Variants in MAGI2 observed in about 807,000 individuals in gnomAD.
MAGI2 encodes the protein membrane associated guanylate kinase, WW and PDZ domain containing 2.
In MAGI2, 35 loss-of-function variants were observed where a neutral mutation model predicts 133.3. The observed-to-expected ratio is 0.26, with a 90% CI of 0.20 to 0.35. The LOEUF is 0.35. Among genes scored for constraint, MAGI2 ranks in the 10% least tolerant of loss-of-function variants. The probability of loss-of-function intolerance (pLI) is 1.00; values close to 1 mark genes in which losing one functional copy is unlikely to be tolerated. For missense variants in MAGI2, 1,636 were observed against 1,863.4 expected, an observed-to-expected ratio of 0.88 and a Z score of 2.25; for synonymous variants, 729 against 710.6, an observed-to-expected ratio of 1.03 and a Z score of -0.41.
intron 1 of MAGI2, among the ~76,000 whole-genome samples, chr7:79,350,129 T>A (rs1841594044): frequency 6.6e-6 from 1 of 152,096 alleles, no homozygotes; most frequent in Non-Finnish European, 1.5e-5. Context: ...AGATGACACT[T>A]AAAATCAGAC....
rs534614928 is a variant in MAGI2 at position 78,286,248 on chromosome 7, G to T, written c.1409-29667C>A. Among the ~76,000 whole-genome samples, 4 of 151,568 alleles carry T rather than the reference G, an allele frequency of 2.6e-5. No individual in the cohort carries two copies. The East Asian group carries it at 5.8e-4, about 22-fold the overall frequency. On this transcript the variant is annotated intron_variant, in intron 9 of 21. Coordinates refer to ENST00000354212, the MANE Select transcript of MAGI2 (RefSeq NM_012301.4). ...TTCCTCCTCCCTACCCCCATATTTT[G>T]TCTTATTCTTAAGAGGATTTAAGAG...
intron 1 of MAGI2, among the ~76,000 whole-genome samples, chr7:79,008,029 G>A (rs10808175): frequency 0.75 from 113,339 of 151,922 alleles, 42,489 homozygotes; most frequent in East Asian, 0.82. Context: ...ATTTAAAGAT[G>A]ACTTGTTAAC....
At chr7:79,028,445 T>C (rs1361860761) in intron 1 of MAGI2, among the ~76,000 whole-genome samples, 1 of 151,166 alleles carries the variant, frequency 6.6e-6, no homozygotes, top group Non-Finnish European at 1.5e-5. Flanking sequence ...GAGGCAGTTG[T>C]ATTTATAGTG....
chr7:78,557,097 A>AAAAAAAAAAAAAAAAAAAAG (rs1554473311), intron 3 of MAGI2, among the ~76,000 whole-genome samples: 7 of 138,958 alleles, frequency 5.0e-5, no homozygotes, highest in South Asian at 2.3e-4. Context: ...AAAAAAAAAA[A>AAAAAAAAAAAAAAAAAAAAG]AAAGAAAAAG....
At chr7:78,537,796 G>A (rs571574616) in intron 3 of MAGI2, among the ~76,000 whole-genome samples, 3 of 122,058 alleles carry the variant, frequency 2.5e-5, no homozygotes, top group East Asian at 4.9e-4. Flanking sequence ...TCTATGAATT[G>A]TCTGTCTACT....
At chr7:78,492,709 G>T (rs1793735399) in intron 5 of MAGI2, among the ~76,000 whole-genome samples, 1 of 152,120 alleles carries the variant, frequency 6.6e-6, no homozygotes, top group African/African-American at 2.4e-5. Flanking sequence ...GCAGATTCAG[G>T]TGCATGACAT....
intron 2 of MAGI2, among the ~76,000 whole-genome samples, chr7:78,846,416 A>C (rs548950125): frequency 6.6e-6 from 1 of 152,076 alleles, no homozygotes; most frequent in Non-Finnish European, 1.5e-5. Flanking sequence ...AGAAATATAG[A>C]ATGCAAACAG....
intron 16 of MAGI2, among the ~76,000 whole-genome samples, chr7:78,156,924 A>G (rs1260936684): frequency 1.3e-5 from 2 of 152,220 alleles, no homozygotes; most frequent in East Asian, 1.9e-4. Context: ...GAGTAAAACA[A>G]TGCAAACTCT....
intron 1 of MAGI2, among the ~76,000 whole-genome samples, chr7:79,400,801 C>T (rs1845414700): frequency 6.6e-6 from 1 of 152,026 alleles, no homozygotes; most frequent in Non-Finnish European, 1.5e-5. Context: ...GTCCTACATA[C>T]TGTAGTTATA....
chr7:79,397,047 G>A (rs1045115507), intron 1 of MAGI2, among the ~76,000 whole-genome samples: 6 of 151,238 alleles, frequency 4.0e-5, no homozygotes, highest in Non-Finnish European at 7.4e-5. Flanking sequence ...TTCCAATAAT[G>A]TTTTCCTTTA....
At chr7:79,207,497 T>G (rs1829153153) in intron 1 of MAGI2, among the ~76,000 whole-genome samples, 1 of 148,908 alleles carries the variant, frequency 6.7e-6, no homozygotes, top group African/African-American at 2.6e-5. Context: ...TAGTAACAAA[T>G]TTAACCAAGG....
chr7:78,609,647 C>A (rs1244139192), intron 3 of MAGI2, among the ~76,000 whole-genome samples: 1 of 152,136 alleles, frequency 6.6e-6, no homozygotes, highest in Non-Finnish European at 1.5e-5. Flanking sequence ...TTCTACTACC[C>A]ACCCAAACCT....
chr7:78,403,813 T>C (rs1386149829), intron 6 of MAGI2, among the ~76,000 whole-genome samples: 1 of 151,996 alleles, frequency 6.6e-6, no homozygotes, highest in Non-Finnish European at 1.5e-5. Context: ...GAGAAGTGTC[T>C]GGTCAATCAG....
At chr7:79,214,356 C>T (rs780246150) in intron 1 of MAGI2, among the ~76,000 whole-genome samples, 9 of 116,288 alleles carry the variant, frequency 7.7e-5, no homozygotes, top group African/African-American at 2.7e-4. Context: ...TTCTGCATTA[C>T]GCACCTCTCT....
chr7:78,827,300 A>G (rs1210699552), intron 2 of MAGI2, among the ~76,000 whole-genome samples: 1 of 152,042 alleles, frequency 6.6e-6, no homozygotes, highest in East Asian at 1.9e-4. Context: ...TTTTTTTGAG[A>G]CAGGGTCTTG....
At chr7:79,115,172 G>A (rs2129544196) in intron 1 of MAGI2, among the ~76,000 whole-genome samples, 1 of 152,166 alleles carries the variant, frequency 6.6e-6, no homozygotes, top group African/African-American at 2.4e-5. Flanking sequence ...TAGAATTCCT[G>A]GGCCAGAAAA....
At chr7:78,437,267 C>A (rs557585406) in intron 6 of MAGI2, among the ~76,000 whole-genome samples, 2 of 152,272 alleles carry the variant, frequency 1.3e-5, no homozygotes, top group Non-Finnish European at 2.9e-5. Context: ...CAGGGCAGCT[C>A]ACACGTGAGC....
At chr7:78,696,268 C>T (rs1426656560) in intron 2 of MAGI2, among the ~76,000 whole-genome samples, 1 of 152,058 alleles carries the variant, frequency 6.6e-6, no homozygotes, top group Non-Finnish European at 1.5e-5. Flanking sequence ...CATAATCACT[C>T]AATTTTTACA....
intron 10 of MAGI2, among the ~76,000 whole-genome samples, chr7:78,231,657 G>A (rs1216464382): frequency 6.6e-6 from 1 of 151,972 alleles, no homozygotes; most frequent in Non-Finnish European, 1.5e-5. Context: ...CCTCAAGTTT[G>A]CTAACATAAA....
Sources: allele counts gnomAD v4.1 joint callset (sites outside exome capture counted in the v4.1 genomes callset), GRCh38; gene constraint gnomAD v4.1.1; transcripts MANE v1.5; gene names NCBI Gene and HGNC (gene_info 2026-07-23, HGNC 2026-07-21).